Variants in NDUFB5 observed in about 807,000 individuals in gnomAD.
NDUFB5 encodes the protein NADH dehydrogenase [ubiquinone] 1 beta subcomplex subunit 5, mitochondrial.
A neutral mutation model predicts 19.4 loss-of-function variants in NDUFB5; 19 were observed. That is an observed-to-expected ratio of 0.98 (90% confidence interval 0.68 to 1.43). The LOEUF is 1.43. NDUFB5 is among the 40% of genes most tolerant of loss of function. NDUFB5 has a pLI of 0.00. For synonymous variants in NDUFB5, 80 were observed against 82.6 expected (o/e 0.97, Z 0.17); for missense variants, 233 against 236.5 (o/e 0.99, Z 0.10).
At chr3:179,614,820 G>T (rs556736158) in intron 1 of NDUFB5, 151 bp from the exon 2 acceptor site, 1 of 442,176 alleles carries the variant, frequency 2.3e-6, no homozygotes, top group South Asian at 5.3e-5. Flanking sequence ...TTTGAGGGAG[G>T]CACATCTCAC....
intron 1 of NDUFB5, among the ~76,000 whole-genome samples, chr3:179,607,349 T>G (rs1719131757): frequency 6.6e-6 from 1 of 152,218 alleles, no homozygotes; most frequent in African/African-American, 2.4e-5. Flanking sequence ...TTGTTTTGTT[T>G]TTTCTGGAGA....
intron 5 of NDUFB5, among the ~76,000 whole-genome samples, chr3:179,620,033 T>G (rs1351131384): frequency 6.6e-6 from 1 of 152,214 alleles, no homozygotes; most frequent in Non-Finnish European, 1.5e-5. Flanking sequence ...TTGCCCACTT[T>G]TTGATGGGGT....
rs1719439347 is a variant in NDUFB5 at position 179,618,433 on chromosome 3, A to G, written c.361A>G (p.Ile121Val). ...CTTGTAGCATCCCATATCAAGATGG[A>G]TTGCCCGTAATTTCTATGATAGTCC... ...EYYKHPISRW[I>V]ARNFYDSPEK... The change falls in exon 5 of 6, where the codon ATT becomes GTT. Residue 121 changes from isoleucine (I) to valine (V), a missense_variant. Physicochemically the swap from Ile to Val is conservative, Grantham distance 29. Transcript: ENST00000259037. 6.2e-7 allele frequency: 1 copy of G among 1,607,854 alleles called. No homozygotes were observed. The highest frequency in any genetic ancestry group is 1.3e-5 in the African/African-American group (1 of 74,642).
At chr3:179,613,117 T>C (rs1719290577) in intron 1 of NDUFB5, among the ~76,000 whole-genome samples, 1 of 152,222 alleles carries the variant, frequency 6.6e-6, no homozygotes, top group Admixed American at 6.5e-5. Context: ...GCCACTCTTG[T>C]AGCAGTAGCT....
chr3:179,622,838 A>G (rs1057327415), intron 5 of NDUFB5, among the ~76,000 whole-genome samples: 9 of 152,192 alleles, frequency 5.9e-5, no homozygotes, highest in African/African-American at 1.7e-4. Flanking sequence ...TATGTATTCT[A>G]TAAAAACAGA....
intron 1 of NDUFB5, among the ~76,000 whole-genome samples, chr3:179,612,475 CT>C (rs760879075): frequency 0.05 from 6,188 of 122,776 alleles, 202 homozygotes; most frequent in African/African-American, 0.17. Context: ...TGCATTAAAC[CT>C]TTTTTTTTTT....
chr3:179,617,360 A>G (rs761410058), intron 4 of NDUFB5: 17 of 178,356 alleles, frequency 9.5e-5, no homozygotes, highest in Middle Eastern at 2.3e-3. Context: ...CTTTTCTGGA[A>G]CTCCTGGCCT....
intron 5 of NDUFB5, among the ~76,000 whole-genome samples, chr3:179,619,633 A>G (rs972890769): frequency 2.0e-5 from 3 of 152,156 alleles, no homozygotes; most frequent in Non-Finnish European, 4.4e-5. Flanking sequence ...AGTCTTTGCT[A>G]TTGTGAATAG....
intron 5 of NDUFB5, among the ~76,000 whole-genome samples, chr3:179,619,021 CAGA>C (rs1321549484): frequency 6.6e-6 from 1 of 151,632 alleles, no homozygotes; most frequent in African/African-American, 2.4e-5. Context: ...AGCTGGGAAG[CAGA>C]TGGATGGGTA....
At chr3:179,607,001 C>T (rs1719119777) in intron 1 of NDUFB5, among the ~76,000 whole-genome samples, 1 of 152,190 alleles carries the variant, frequency 6.6e-6, no homozygotes, top group Non-Finnish European at 1.5e-5. Context: ...TCTCATATAG[C>T]CAAATACAAA....
chr3:179,620,793 A>G (rs1192330285), intron 5 of NDUFB5, among the ~76,000 whole-genome samples: 1 of 152,154 alleles, frequency 6.6e-6, no homozygotes, highest in Non-Finnish European at 1.5e-5. Context: ...TTTATGTAAC[A>G]TATCTGGAAA....
chr3:179,623,082 C>T lies in NDUFB5; in HGVS notation c.450-838C>T, dbSNP rs1029034535. Among the ~76,000 whole-genome samples, 6 of 152,066 alleles carry T rather than the reference C, an allele frequency of 3.9e-5. No homozygotes were observed. The East Asian group carries it at 7.7e-4, about 19-fold the overall frequency. On this transcript the variant is annotated intron_variant, in intron 5 of 5. Transcript: ENST00000259037. ...TATTGACTGAGTATCTGATGTTGAC[C>T]GGGCCTGGTATAATGCTGGTGAATA... is the stretch of plus-strand genomic sequence containing the variant.
intron 5 of NDUFB5, among the ~76,000 whole-genome samples, chr3:179,618,974 A>AT (rs966396546): frequency 2.0e-4 from 31 of 151,488 alleles, no homozygotes; most frequent in East Asian, 1.7e-3. Context: ...AAATTTTTGA[A>AT]TTTTTTTTTA....
chr3:179,624,604 C>CACACACACACACACACACACACACAT lies in NDUFB5; in HGVS notation c.*564_*565insACACACACACACACACACACACACAT, dbSNP rs3832244. ...ACACACACACACACACACACACACA[C>CACACACACACACACACACACACACAT]GCTCTTTTCCTAGATGCAATCTCTG... On this transcript the variant is annotated 3_prime_UTR_variant, in exon 6 of 6. Transcript: ENST00000259037. The CACACACACACACACACACACACACAT allele has an allele frequency of 6.7e-6, 1 of 150,072 alleles. No homozygotes were observed. Among genetic ancestry groups the CACACACACACACACACACACACACAT allele is most frequent in the African/African-American group, 2.5e-5 (1 of 40,580 alleles). The allele number at this position is 150,072 out of a possible 1,614,324, so 9.3% of individuals were successfully genotyped here.
chr3:179,613,395 T>C (rs1719297474), intron 1 of NDUFB5, among the ~76,000 whole-genome samples: 1 of 152,208 alleles, frequency 6.6e-6, no homozygotes, highest in Non-Finnish European at 1.5e-5. Context: ...ATCCTATTTC[T>C]TTCCCTTGTT....
rs147655607 is a variant in NDUFB5 at position 179,618,451 on chromosome 3, G to T, written c.379G>T (p.Asp127Tyr). 121 of 1,611,186 alleles carry T rather than the reference G, an allele frequency of 7.5e-5. No homozygotes were observed. Among genetic ancestry groups the T allele is most frequent in the Non-Finnish European group, 1.0e-4 (118 of 1,179,284 alleles). The change falls in exon 5 of 6, where the codon GAT becomes TAT. Residue 127 changes from aspartate (D) to tyrosine (Y), a missense_variant. Physicochemically the swap from Asp to Tyr is radical, Grantham distance 160. Transcript: ENST00000259037. The part of the protein sequence containing the change: ...ISRWIARNFY[D>Y]SPEKIYERTM... ...AAGATGGATTGCCCGTAATTTCTAT[G>T]ATAGTCCTGAAAAGATATATGAAAG...
chr3:179,619,718 A>G (rs964037240), intron 5 of NDUFB5, among the ~76,000 whole-genome samples: 2 of 152,188 alleles, frequency 1.3e-5, no homozygotes, highest in Non-Finnish European at 2.9e-5. Context: ...ATACCCAGTA[A>G]TGGGATTGCT....
intron 5 of NDUFB5, among the ~76,000 whole-genome samples, 200 bp from the exon 6 acceptor site, chr3:179,623,720 A>T (rs970759302): frequency 2.0e-5 from 3 of 152,160 alleles, no homozygotes; most frequent in African/African-American, 7.2e-5. Flanking sequence ...TATCTATATA[A>T]GCAACATAAT....
At chr3:179,607,500 C>T (rs1292827872) in intron 1 of NDUFB5, among the ~76,000 whole-genome samples, 1 of 152,146 alleles carries the variant, frequency 6.6e-6, no homozygotes, top group African/African-American at 2.4e-5. Context: ...GAATTTTAAC[C>T]TGCCTCAAAA....
Sources: gnomAD v4.1 joint callset for allele counts (sites outside exome capture counted in the v4.1 genomes callset) on GRCh38, gnomAD v4.1.1 for gene constraint, MANE v1.5 for transcripts, NCBI Gene and HGNC (gene_info 2026-07-23, HGNC 2026-07-21) for gene names.